Variants in ADGRD1 observed in about 807,000 individuals in gnomAD.
ADGRD1 encodes the protein adhesion G protein-coupled receptor D1.
ADGRD1 carries 77 observed loss-of-function variants against 113.4 expected under a neutral mutation model. The observed-to-expected ratio is 0.68, with a 90% confidence interval of 0.57 to 0.82. The LOEUF is 0.82. Among genes scored for constraint, ADGRD1 ranks in the 40% least tolerant of loss-of-function variants. The probability of loss-of-function intolerance (pLI) is 0.00; values close to 1 mark genes in which losing one functional copy is unlikely to be tolerated. For missense variants in ADGRD1, 1,036 were observed against 1,139.1 expected (o/e 0.91, Z 1.30); for synonymous variants, 474 against 475.0 (o/e 1.00, Z 0.03).
At chr12:131,133,093 T>C (rs1950979021) in intron 21 of ADGRD1, among the ~76,000 whole-genome samples, 1 of 152,012 alleles carries the variant, frequency 6.6e-6, no homozygotes, top group African/African-American at 2.4e-5. Context: ...TCACGTCCTT[T>C]CCTCTTCCAT....
intron 8 of ADGRD1, among the ~76,000 whole-genome samples, chr12:130,996,317 C>G (rs34713357): frequency 7.4e-6 from 1 of 134,812 alleles, no homozygotes; most frequent in Non-Finnish European, 1.7e-5. Flanking sequence ...GGGTGGTGGC[C>G]GGGCAGAGGG....
chr12:131,124,713 C>T (rs112350944), intron 20 of ADGRD1, among the ~76,000 whole-genome samples: 6 of 150,844 alleles, frequency 4.0e-5, no homozygotes, highest in Admixed American at 2.0e-4. Context: ...CACACACTGC[C>T]CACCGCCCCT....
At position 131,022,920 on chromosome 12, in the gene ADGRD1, G is replaced by T. The variant is rs1008269617; in HGVS notation, c.1473+8580G>T. 2.0e-5 allele frequency: 3 copies of T among 152,116 alleles called. No homozygotes were observed. Among genetic ancestry groups the T allele is most frequent in the Non-Finnish European group, 1.5e-5 (1 of 68,038 alleles). The allele number at this position is 152,116 out of a possible 1,614,324, so 9.4% of individuals were successfully genotyped here. On this transcript the variant is annotated intron_variant, in intron 13 of 24. Transcript: ENST00000261654. This position sits in a 1 kb window ranked among gnomAD's most constrained non-coding sequence, Gnocchi z 4.6. The stretch of plus-strand genomic sequence containing the variant: ...CCTGCATTTTTCTGTGTGTCTGTAT[G>T]TGTGTCTGTGTTGCAAACTAGGATT...
chr12:130,985,465 ATTATC>A (rs755302203), intron 5 of ADGRD1, among the ~76,000 whole-genome samples: 6 of 151,956 alleles, frequency 3.9e-5, no homozygotes, highest in Non-Finnish European at 5.9e-5. Flanking sequence ...TTTTTCCTAT[ATTATC>A]TTCTAAGGGT....
chr12:131,126,192 C>T (rs1160626679), intron 20 of ADGRD1, among the ~76,000 whole-genome samples: 1 of 152,172 alleles, frequency 6.6e-6, no homozygotes, highest in African/African-American at 2.4e-5. Context: ...GAGGGCTTTG[C>T]TCTCGTGAAT....
In ADGRD1 at chr12:131,031,132, C is replaced by A. The variant is rs542296163; in HGVS notation, c.1473+16792C>A. Among the ~76,000 whole-genome samples, 75 of 152,342 alleles carry A rather than the reference C, an allele frequency of 4.9e-4. 1 individual carries two copies. The South Asian group carries it at 0.012, about 24-fold the overall frequency. Reference sequence around the variant, plus strand: ...AGCCAGGGGCTGGGCGGTCTCAACTCTGAGCTCCACTGCCGGAAGCTCTGC... The same window carrying A: ...AGCCAGGGGCTGGGCGGTCTCAACTATGAGCTCCACTGCCGGAAGCTCTGC... On this transcript the variant is annotated intron_variant, in intron 13 of 24. Transcript: ENST00000261654.
chr12:131,066,554 G>A (rs964427398), intron 13 of ADGRD1, among the ~76,000 whole-genome samples: 2 of 152,188 alleles, frequency 1.3e-5, no homozygotes, highest in Non-Finnish European at 2.9e-5. Context: ...GCCTGCCCCC[G>A]TTCAGGCTGT....
chr12:130,993,280 G>A (rs529533330), intron 8 of ADGRD1, among the ~76,000 whole-genome samples: 120 of 152,092 alleles, frequency 7.9e-4, no homozygotes, highest in African/African-American at 2.7e-3. Context: ...AGCACATGCA[G>A]AGCCATGTGT....
rs570657583 is a variant in ADGRD1 at position 131,003,452 on chromosome 12, C to T, written c.1144+150C>T. ...CACAAACCACATTTGGAAGGAAAAC[C>T]CGTGGTCAGATGAGGGCAGGTGTGT... On this transcript the variant is annotated intron_variant, in intron 10 of 24. Coordinates refer to ENST00000261654, the MANE Select transcript of ADGRD1 (RefSeq NM_198827.5). The surrounding 1 kb of genome is among the most constrained non-coding windows in gnomAD (Gnocchi z 4.8). 3.2e-5 allele frequency: 21 copies of T among 664,390 alleles called. No individual in the cohort carries two copies. The highest frequency in any genetic ancestry group is 3.1e-4 in the South Asian group (18 of 57,940). 41.2% of individuals were successfully genotyped at this position (664,390 alleles called of 1,614,324 possible).
chr12:131,133,135 C>T (rs1413033824), intron 21 of ADGRD1, among the ~76,000 whole-genome samples: 2 of 152,070 alleles, frequency 1.3e-5, no homozygotes, highest in African/African-American at 4.8e-5. Flanking sequence ...CTGGACCTCT[C>T]ATGGCCTGGC....
At position 131,105,840 on chromosome 12, in the gene ADGRD1, T is replaced by C; in HGVS notation, c.1862T>C (p.Ile621Thr). The C allele has an allele frequency of 6.2e-7, 1 of 1,600,094 alleles. No individual in the cohort carries two copies. Among genetic ancestry groups the C allele is most frequent in the Non-Finnish European group, 8.5e-7 (1 of 1,179,744 alleles). ...AVLVAQVLLL[I>T]SFRLEPGTTP... Reference sequence around the variant, plus strand: ...CTGGTGGCCCAGGTCCTGCTGCTCATTAGTTTCCGCCTCGAGCCGGGCACG... The same window carrying C: ...CTGGTGGCCCAGGTCCTGCTGCTCACTAGTTTCCGCCTCGAGCCGGGCACG... Residue 621 changes from isoleucine (I) to threonine (T), a missense_variant, in exon 17 of 25, where the codon ATT becomes ACT. Physicochemically the swap from Ile to Thr is moderately conservative, Grantham distance 89. Transcript: ENST00000261654.
chr12:131,009,308 G>A (rs1877573178), intron 12 of ADGRD1, among the ~76,000 whole-genome samples: 1 of 152,280 alleles, frequency 6.6e-6, no homozygotes, highest in Admixed American at 6.5e-5. Flanking sequence ...GTGTGCTGCT[G>A]TGGTTTCGAT....
At chr12:131,103,403 C>T (rs962314988) in intron 15 of ADGRD1, among the ~76,000 whole-genome samples, 13 of 152,266 alleles carry the variant, frequency 8.5e-5, no homozygotes, top group African/African-American at 2.9e-4. Context: ...CAGGCTGTGG[C>T]GTCCAGGCTG....
chr12:131,015,347 G>C, intron 13 of ADGRD1, among the ~76,000 whole-genome samples: 1 of 152,002 alleles, frequency 6.6e-6, no homozygotes, highest in African/African-American at 2.4e-5. Flanking sequence ...TGCGGATGGA[G>C]ATGGGAATGG....
At chr12:131,028,749 C>T (rs1184591480) in intron 13 of ADGRD1, among the ~76,000 whole-genome samples, 1 of 152,196 alleles carries the variant, frequency 6.6e-6, no homozygotes, top group Admixed American at 6.5e-5. Flanking sequence ...GGAGGGGCGA[C>T]GTGGCTGTTT....
intron 13 of ADGRD1, among the ~76,000 whole-genome samples, chr12:131,031,523 C>T (rs903499384): frequency 1.2e-4 from 18 of 152,120 alleles, no homozygotes; most frequent in African/African-American, 1.4e-4. Context: ...CTCAGATTTG[C>T]GTTTGTCGGT....
At chr12:131,037,502 C>G (rs986238583) in intron 13 of ADGRD1, among the ~76,000 whole-genome samples, 1 of 121,122 alleles carries the variant, frequency 8.3e-6, no homozygotes, top group African/African-American at 3.4e-5. Flanking sequence ...GGGTCTTACT[C>G]ATTGCACTGG....
At chr12:131,053,651 G>GA (rs1233002303) in intron 13 of ADGRD1, among the ~76,000 whole-genome samples, 1 of 152,190 alleles carries the variant, frequency 6.6e-6, no homozygotes, top group Non-Finnish European at 1.5e-5. Flanking sequence ...TAAATCTCAA[G>GA]AAAGTAAACC....
intron 13 of ADGRD1, among the ~76,000 whole-genome samples, chr12:131,017,815 A>G (rs979891466): frequency 1.3e-5 from 2 of 150,390 alleles, no homozygotes; most frequent in African/African-American, 4.9e-5. Context: ...CCCAGTGTGC[A>G]CACACCCAGT....
Sources: gnomAD v4.1 joint callset for allele counts (sites outside exome capture counted in the v4.1 genomes callset) on GRCh38, gnomAD v4.1.1 for gene constraint, Gnocchi (gnomAD v3.1) non-coding constraint, MANE v1.5 for transcripts, NCBI Gene and HGNC (gene_info 2026-07-23, HGNC 2026-07-21) for gene names.